The following CCDC171 variants were observed in gnomAD, a reference collection of about 807,000 sequenced individuals.
CCDC171 encodes the protein coiled-coil domain-containing protein 171.
Under a neutral mutation model 168.2 loss-of-function variants are expected in CCDC171, and 177 were observed. The observed-to-expected ratio is 1.05, with a 90% CI of 0.93 to 1.19. The LOEUF is 1.19. Ranked by LOEUF, CCDC171 falls within the 50% of genes most tolerant of loss-of-function variation. The probability of loss-of-function intolerance (pLI) is 0.00; values close to 1 mark genes in which losing one functional copy is unlikely to be tolerated. For synonymous variants in CCDC171, 687 were observed against 540.8 expected, an observed-to-expected ratio of 1.27 and a Z score of -3.75; for missense variants, 1,991 against 1,539.0, an observed-to-expected ratio of 1.29 and a Z score of -4.91.
At chr9:15,761,826 C>T (rs1298195961) in intron 18 of CCDC171, among the ~76,000 whole-genome samples, 1 of 152,056 alleles carries the variant, frequency 6.6e-6, no homozygotes, top group African/African-American at 2.4e-5. Flanking sequence ...ATCACTTTCA[C>T]ATTTTGCCAT....
At chr9:15,986,399 G>A (rs943828372) in intron 3 of CCDC171, among the ~76,000 whole-genome samples, 3 of 152,116 alleles carry the variant, frequency 2.0e-5, no homozygotes, top group Non-Finnish European at 2.9e-5. Context: ...TGCTGCAGAG[G>A]GATGCCATAA....
At chr9:15,939,931 A>G (rs763854154) in intron 25 of CCDC171, among the ~76,000 whole-genome samples, 8 of 151,894 alleles carry the variant, frequency 5.3e-5, no homozygotes, top group Non-Finnish European at 8.8e-5. Context: ...TAATTTCATG[A>G]TAACTTCTAC....
chr9:15,729,819 G>A (rs750533440), intron 16 of CCDC171, 21 bp downstream of exon 16: 1 of 1,578,144 alleles, frequency 6.3e-7, no homozygotes, highest in Admixed American at 1.8e-5. Context: ...TTTACAAAGA[G>A]CTTTAAAAAA....
intron 3 of CCDC171, among the ~76,000 whole-genome samples, chr9:15,991,905 G>T (rs138934784): frequency 1.3e-5 from 2 of 152,010 alleles, no homozygotes. Context: ...AAAATAGACC[G>T]ATAACAGGCT....
chr9:15,932,872 A>T (rs577116421), intron 25 of CCDC171, among the ~76,000 whole-genome samples: 1 of 151,746 alleles, frequency 6.6e-6, no homozygotes, highest in African/African-American at 2.4e-5. Flanking sequence ...TTTTGTCTTT[A>T]TGTTAATGTG....
chr9:16,081,627 T>C, the CCDC171 span, among the ~76,000 whole-genome samples: 2 of 152,214 alleles, frequency 1.3e-5, no homozygotes, highest in Non-Finnish European at 2.9e-5. Context: ...GGCTATGATG[T>C]GCCTAGACTT....
intron 4 of CCDC171, among the ~76,000 whole-genome samples, chr9:15,582,436 A>G (rs1471003540): frequency 6.6e-6 from 1 of 152,144 alleles, no homozygotes; most frequent in African/African-American, 2.4e-5. Context: ...CTGGGTATAT[A>G]CCCAAAGGAT....
chr9:15,763,235 T>G (rs2056545544), intron 18 of CCDC171, among the ~76,000 whole-genome samples: 1 of 152,222 alleles, frequency 6.6e-6, no homozygotes, highest in Admixed American at 6.5e-5. Context: ...AATATTGAGG[T>G]ATGATAATAT....
chr9:15,916,742 A>G (rs1589120682), intron 24 of CCDC171, among the ~76,000 whole-genome samples: 1 of 152,062 alleles, frequency 6.6e-6, no homozygotes, highest in African/African-American at 2.4e-5. Flanking sequence ...ACTTTTAAAA[A>G]ATGGATAGAT....
rs1203666551 is a variant in CCDC171, at chr9:15,863,295, A to G, written c.3469-11237A>G. Among the ~76,000 whole-genome samples the G allele has an allele frequency of 3.3e-5, 5 of 152,064 alleles. No individual in the cohort carries two copies. The South Asian group carries it at 6.2e-4, about 19-fold the overall frequency. On this transcript the variant is annotated intron_variant, in intron 23 of 25. Transcript: ENST00000380701. ...GTCTTCAGTTTTCCCAGTGGTTTCAATGTGACTGATTTCTTGTTGCCCAGG... is the reference window on the plus strand; with the variant it reads ...GTCTTCAGTTTTCCCAGTGGTTTCAGTGTGACTGATTTCTTGTTGCCCAGG...
intron 12 of CCDC171, 87 bp downstream of exon 12, chr9:15,721,962 T>C: frequency 1.9e-6 from 1 of 534,410 alleles, no homozygotes; most frequent in Non-Finnish European, 3.1e-6. Context: ...GTCAAAAAGA[T>C]TGGGAATGTT....
intron 3 of CCDC171, among the ~76,000 whole-genome samples, chr9:15,573,808 C>T (rs2040425623): frequency 1.3e-5 from 2 of 152,000 alleles, no homozygotes; most frequent in Non-Finnish European, 2.9e-5. Flanking sequence ...TGCCTGTAAT[C>T]CCAGCACTTT....
chr9:15,752,465 G>A lies in CCDC171; in HGVS notation c.2671+6834G>A, dbSNP rs545231992. ...ACACATGCACACATATGTTTATTGC[G>A]GCACCATAGCAAAGACTTGGAACCG... On this transcript the variant is annotated intron_variant, in intron 18 of 25. Transcript: ENST00000380701. 6.2e-4 allele frequency among the ~76,000 whole-genome samples: 94 copies of A among 151,654 alleles called. 1 individual carries two copies. In the Middle Eastern group the frequency reaches 0.014, roughly 22 times the overall value.
In CCDC171 at chr9:15,599,914, A is replaced by T. The variant is rs575471937; in HGVS notation, c.675+5742A>T. Among the ~76,000 whole-genome samples, 22 of 152,194 alleles carry T rather than the reference A, an allele frequency of 1.4e-4. No homozygotes were observed. The East Asian group carries it at 3.5e-3, about 24-fold the overall frequency. ...TCATTCATTTGATCTTCCATCACTG[A>T]TACCCTTTCTTCCAGTTGATCGAAT... is the stretch of plus-strand genomic sequence containing the variant. On this transcript the variant is annotated intron_variant, in intron 6 of 25. Transcript: ENST00000380701.
intron 7 of CCDC171, among the ~76,000 whole-genome samples, chr9:15,634,940 C>T (rs530497900): frequency 6.6e-6 from 1 of 152,242 alleles, no homozygotes; most frequent in African/African-American, 2.4e-5. Context: ...ATAATGTTTT[C>T]AAGGTTTGTC....
chr9:16,010,483 G>A (rs1191718287), intron 3 of CCDC171, among the ~76,000 whole-genome samples: 1 of 152,048 alleles, frequency 6.6e-6, no homozygotes. Flanking sequence ...TCTGGAATCA[G>A]TGAGGAAGCT....
chr9:15,645,532 C>G (rs1468327611), intron 7 of CCDC171, among the ~76,000 whole-genome samples: 1 of 152,122 alleles, frequency 6.6e-6, no homozygotes, highest in African/African-American at 2.4e-5. Flanking sequence ...CTAGAATAAA[C>G]AGTGTAGAGA....
intron 7 of CCDC171, among the ~76,000 whole-genome samples, chr9:15,637,521 C>A (rs202012815): frequency 8.6e-5 from 13 of 150,448 alleles, no homozygotes; most frequent in Non-Finnish European, 1.8e-4. Flanking sequence ...CACAATATGC[C>A]GGTTAGTTAC....
rs531435528 is a variant in CCDC171 at position 15,582,105 on chromosome 9, A to T, written c.352+3082A>T. On this transcript the variant is annotated intron_variant, in intron 4 of 25. Coordinates refer to ENST00000380701, the MANE Select transcript of CCDC171 (RefSeq NM_173550.4). Reference sequence around the variant, plus strand: ...TACAAGAAAAAAACAATCTCATCAGAAAGTGGGCAAAGGATATGAACAGAC... The same window carrying T: ...TACAAGAAAAAAACAATCTCATCAGTAAGTGGGCAAAGGATATGAACAGAC... Among the ~76,000 whole-genome samples the T allele has an allele frequency of 3.3e-5, 5 of 152,330 alleles. No homozygotes were observed. In the East Asian group the frequency reaches 7.7e-4, roughly 24 times the overall value.
Sources: allele counts gnomAD v4.1 joint callset (sites outside exome capture counted in the v4.1 genomes callset), GRCh38; gene constraint gnomAD v4.1.1; transcripts MANE v1.5; gene names NCBI Gene and HGNC (gene_info 2026-07-23, HGNC 2026-07-21).